ABCB11: variants seen among roughly 807,000 people sequenced by gnomAD.
ABCB11 encodes bile salt export pump.
In ABCB11, 95 loss-of-function variants were observed where a neutral mutation model predicts 148.0. The observed-to-expected ratio is 0.64, with a 90% confidence interval of 0.54 to 0.76. ABCB11 has a LOEUF of 0.76. Ranked by LOEUF, ABCB11 falls within the 30% of genes least tolerant of loss-of-function variation. The pLI, the probability that ABCB11 is intolerant of heterozygous loss-of-function variation, is 0.00. For synonymous variants in ABCB11, 591 were observed against 555.4 expected (o/e 1.06, Z -0.90); for missense variants, 1,523 against 1,617.8 (o/e 0.94, Z 1.01).
chr2:169,027,001 G>C (rs1469941303), intron 1 of ABCB11, among the ~76,000 whole-genome samples: 2 of 152,066 alleles, frequency 1.3e-5, no homozygotes, highest in Non-Finnish European at 2.9e-5. Context: ...AACTTGATTT[G>C]AGTTTCATAC....
intron 21 of ABCB11, among the ~76,000 whole-genome samples, chr2:168,943,042 C>G (rs1242265000): frequency 6.6e-6 from 1 of 151,756 alleles, no homozygotes; most frequent in Non-Finnish European, 1.5e-5. Flanking sequence ...TAAAAAACAA[C>G]AAAAGTATTA....
chr2:169,010,197 G>A (rs1695139749), intron 5 of ABCB11, among the ~76,000 whole-genome samples: 4 of 152,164 alleles, frequency 2.6e-5, no homozygotes, highest in Admixed American at 2.0e-4. Context: ...TAAGTTACAC[G>A]AGACTTTGTG....
intron 23 of ABCB11, among the ~76,000 whole-genome samples, chr2:168,933,630 G>A (rs1046415440): frequency 6.6e-6 from 1 of 152,182 alleles, no homozygotes; most frequent in Non-Finnish European, 1.5e-5. Flanking sequence ...ACATCCCCGG[G>A]AGCCCAGTTT....
Position 168,969,917 on chromosome 2 carries a change from G to A in ABCB11, c.1809+128C>T. The A allele has an allele frequency of 5.5e-6, 5 of 913,864 alleles. No homozygotes were observed. In the Admixed American group the frequency reaches 5.9e-5, roughly 11 times the overall value. 56.6% of individuals were successfully genotyped at this position (913,864 alleles called of 1,614,324 possible). ...TCAGCTAATATTTTCTAAACAATCA[G>A]ACTAGATGCATGAACCCATGTAGTA... On this transcript the variant is annotated intron_variant, in intron 15 of 27. Coordinates refer to ENST00000650372, the MANE Select transcript of ABCB11 (RefSeq NM_003742.4).
intron 5 of ABCB11, among the ~76,000 whole-genome samples, chr2:169,003,975 G>A (rs1694951628): frequency 6.6e-6 from 1 of 152,158 alleles, no homozygotes; most frequent in East Asian, 1.9e-4. Context: ...GCTAAAAATA[G>A]GACCCCAATC....
In ABCB11 at chr2:168,987,751, T is replaced by G. The variant is rs370126833; in HGVS notation, c.909-1467A>C. On this transcript the variant is annotated intron_variant, in intron 9 of 27. Transcript: ENST00000650372. ...CAGCCTGTTTGACCAAATAGAAATC[T>G]TATCAGACTTTATAAAGAACATGTA... 1.2e-3 allele frequency among the ~76,000 whole-genome samples: 188 copies of G among 152,282 alleles called. 10 individuals are homozygous for G. In the South Asian group the frequency reaches 0.038, roughly 31 times the overall value.
At chr2:168,951,752 C>A (rs576023498) in intron 19 of ABCB11, among the ~76,000 whole-genome samples, 1 of 151,318 alleles carries the variant, frequency 6.6e-6, no homozygotes, top group East Asian at 2.0e-4. Flanking sequence ...TTTTCTCTTG[C>A]CTGATTGCTC....
Position 168,921,935 on chromosome 2 carries a change from A to G in ABCB11, c.*1687T>C, listed in dbSNP as rs1457588306. ...GCGATCTCGGCTCACTGCAAGCTCC[A>G]CCTCCCGGGTTCACGCCATTCTCCT... On this transcript the variant is annotated 3_prime_UTR_variant, in exon 28 of 28. Coordinates refer to ENST00000650372, the MANE Select transcript of ABCB11 (RefSeq NM_003742.4). Among the ~76,000 whole-genome samples the G allele has an allele frequency of 7.0e-5, 9 of 128,892 alleles. No homozygotes were observed. The highest frequency in any genetic ancestry group is 2.4e-4 in the South Asian group (1 of 4,154). The allele number at this position is 128,892 out of a possible 152,430, so 84.6% of individuals were successfully genotyped here.
intron 1 of ABCB11, among the ~76,000 whole-genome samples, chr2:169,020,502 A>G (rs1336578035): frequency 6.6e-6 from 1 of 152,222 alleles, no homozygotes; most frequent in Admixed American, 6.5e-5. Flanking sequence ...GAAAACATAA[A>G]TGAATATTAT....
chr2:168,930,571 A>T, intron 25 of ABCB11, 94 bp downstream of exon 25: 1 of 1,073,384 alleles, frequency 9.3e-7, no homozygotes, highest in Middle Eastern at 2.2e-4. Context: ...AGCATTTTAA[A>T]GTGAGTCTGG....
At chr2:168,995,975 TAAA>T (rs3083997) in intron 6 of ABCB11, among the ~76,000 whole-genome samples, 140 of 63,034 alleles carry the variant, frequency 2.2e-3, no homozygotes, top group African/African-American at 8.3e-3. Context: ...TTTCCCTAAC[TAAA>T]AAAAAAAAAA....
chr2:169,006,822 T>G (rs1433320525), intron 5 of ABCB11, among the ~76,000 whole-genome samples: 2 of 152,138 alleles, frequency 1.3e-5, no homozygotes, highest in Non-Finnish European at 2.9e-5. Flanking sequence ...TCAAAAATAA[T>G]AAAATACGTA....
In ABCB11 at chr2:168,924,768, T is replaced by C; in HGVS notation, c.3654A>G (p.Gln1218=). The change falls in exon 27 of 28, where the codon CAA becomes CAG. Residue 1218 remains glutamine (Q), a synonymous_variant. Coordinates refer to ENST00000650372, the MANE Select transcript of ABCB11 (RefSeq NM_003742.4). ...TGCGTTGTTTCTCCCCTCTAGAGAGTTGAGACCCCTGGGACCCAACGTTAG... is the reference window on the plus strand; with the variant it reads ...TGCGTTGTTTCTCCCCTCTAGAGAGCTGAGACCCCTGGGACCCAACGTTAG... ...YETNVGSQGS[Q]LSRGEKQRIA... is the part of the protein sequence containing the mutation. The C allele has an allele frequency of 2.5e-6, 4 of 1,613,214 alleles. No homozygotes were observed. Among genetic ancestry groups the C allele is most frequent in the African/African-American group, 1.3e-5 (1 of 74,920 alleles).
chr2:168,930,257 C>T (rs559737607), intron 25 of ABCB11, among the ~76,000 whole-genome samples: 20 of 152,340 alleles, frequency 1.3e-4, no homozygotes, highest in Admixed American at 1.3e-3. Context: ...TGTCTTAGAT[C>T]TTTTCATGCT....
Position 168,957,973 on chromosome 2 carries a change from C to T in ABCB11, c.2334G>A (p.Gln778=). Residue 778 remains glutamine, a synonymous_variant, in exon 19 of 28, where the codon CAG becomes CAA. Transcript: ENST00000650372. ...CCAGCTGTGTACTTACCCCAAGAATCTGGCTGAATAAAAAGGCATACAAGG... is the reference window on the plus strand; with the variant it reads ...CCAGCTGTGTACTTACCCCAAGAATTTGGCTGAATAAAAAGGCATACAAGG... ...VTPLYAFLFS[Q]ILGTFSIPDK... is the part of the protein sequence containing the mutation. The T allele has an allele frequency of 1.3e-6, 2 of 1,577,002 alleles. No homozygotes were observed. Among genetic ancestry groups the T allele is most frequent in the Non-Finnish European group, 1.7e-6 (2 of 1,152,414 alleles).
At position 168,924,519 on chromosome 2, in the gene ABCB11, T is replaced by C. The variant is rs941101125; in HGVS notation, c.3765+138A>G. The C allele has an allele frequency of 4.0e-5, 29 of 729,302 alleles. No individual in the cohort carries two copies. In the African/African-American group the frequency reaches 5.1e-4, roughly 13 times the overall value. The allele number at this position is 729,302 out of a possible 1,614,324, so 45.2% of individuals were successfully genotyped here. On this transcript the variant is annotated intron_variant, in intron 27 of 27. Transcript: ENST00000650372. Reference sequence around the variant, plus strand: ...AAATCACTTGCTCTAGATAATTGTCTTTTGGTTCCACAAAGTATTGCCAAT... The same window carrying C: ...AAATCACTTGCTCTAGATAATTGTCCTTTGGTTCCACAAAGTATTGCCAAT...
intron 19 of ABCB11, among the ~76,000 whole-genome samples, chr2:168,948,524 C>T (rs530259125): frequency 6.6e-6 from 1 of 150,808 alleles, no homozygotes; most frequent in African/African-American, 2.4e-5. Context: ...ATGTTATCTT[C>T]CTCACAGACT....
intron 23 of ABCB11, among the ~76,000 whole-genome samples, chr2:168,933,084 G>A (rs532249183): frequency 1.1e-4 from 17 of 150,320 alleles, no homozygotes; most frequent in Non-Finnish European, 2.2e-4. Flanking sequence ...ACTCCAGCCT[G>A]GGTGACAGAG....
rs1691110138 is a variant in ABCB11 at position 168,922,469 on chromosome 2, C to T, written c.*1153G>A. ...GTCTTCAGTCCCTCTGTCCCCTTGTCTCCTCCTTCCAGAAGGATCCAGTGT... is the reference window on the plus strand; with the variant it reads ...GTCTTCAGTCCCTCTGTCCCCTTGTTTCCTCCTTCCAGAAGGATCCAGTGT... On this transcript the variant is annotated 3_prime_UTR_variant, in exon 28 of 28. Transcript: ENST00000650372. Among the ~76,000 whole-genome samples, 1 of 152,190 alleles carries T rather than the reference C, an allele frequency of 6.6e-6. No homozygotes were observed. The highest frequency in any genetic ancestry group is 1.5e-5 in the Non-Finnish European group (1 of 68,040).
Sources: gnomAD v4.1 joint callset for allele counts (sites outside exome capture counted in the v4.1 genomes callset) on GRCh38, gnomAD v4.1.1 for gene constraint, MANE v1.5 for transcripts, NCBI Gene and HGNC (gene_info 2026-07-23, HGNC 2026-07-21) for gene names.